Variants in PPCDC observed in about 807,000 individuals in gnomAD.
The protein encoded by PPCDC is phosphopantothenoylcysteine decarboxylase.
A neutral mutation model predicts 20.7 loss-of-function variants in PPCDC; 20 were observed. The observed-to-expected ratio is 0.97, with a 90% CI of 0.68 to 1.41. The LOEUF (loss-of-function observed/expected upper bound fraction) is 1.41, where lower values mean the gene tolerates loss of function less well. PPCDC is among the 40% of genes most tolerant of loss of function. The pLI, the probability that PPCDC is intolerant of heterozygous loss-of-function variation, is 0.00. For missense variants in PPCDC, 246 were observed against 263.8 expected, an observed-to-expected ratio of 0.93 and a Z score of 0.47; for synonymous variants, 88 against 100.3, an observed-to-expected ratio of 0.88 and a Z score of 0.73.
Position 75,044,523 on chromosome 15 carries a change from T to C in PPCDC, c.360+9T>C. On this transcript the variant is annotated intron_variant, in intron 4 of 5. Transcript: ENST00000342932. ...TCTGTGACAACTTGCTTGTGAGTGATGTCCTGGTGCCCTCGTCCGTCCCTG... is the reference window on the plus strand; with the variant it reads ...TCTGTGACAACTTGCTTGTGAGTGACGTCCTGGTGCCCTCGTCCGTCCCTG... The C allele has an allele frequency of 1.2e-6, 2 of 1,613,084 alleles. No homozygotes were observed. The highest frequency in any genetic ancestry group is 1.7e-6 in the Non-Finnish European group (2 of 1,179,280).
rs1555413327 is a variant in PPCDC at position 75,032,734 on chromosome 15, C to CA, written c.135+4281_135+4282insA. Among the ~76,000 whole-genome samples the CA allele has an allele frequency of 1.1e-4, 12 of 110,670 alleles. 1 individual carries two copies. Among genetic ancestry groups the CA allele is most frequent in the Admixed American group, 5.4e-4 (6 of 11,022 alleles). The allele number at this position is 110,670 out of a possible 152,430, so 72.6% of individuals were successfully genotyped here. On this transcript the variant is annotated intron_variant, in intron 2 of 5. Coordinates refer to ENST00000342932, the MANE Select transcript of PPCDC (RefSeq NM_021823.5). ...GAGCTAGCAAACTGGACCCCCCCCC[C>CA]CAAGGCCAAATTCGGCTCTGCCTGT...
chr15:75,023,851 G>A (rs916297797), intron 1 of PPCDC, among the ~76,000 whole-genome samples: 5 of 152,100 alleles, frequency 3.3e-5, no homozygotes, highest in Non-Finnish European at 7.4e-5. Flanking sequence ...GGAGCAGGAG[G>A]GACCCCCGAG....
intron 3 of PPCDC, chr15:75,043,798 A>T: frequency 2.2e-6 from 1 of 447,652 alleles, no homozygotes; most frequent in Non-Finnish European, 4.0e-6. Flanking sequence ...ATCTGGGCTG[A>T]TGAAACCACA....
At chr15:75,035,142 C>T (rs915925005) in intron 2 of PPCDC, among the ~76,000 whole-genome samples, 2 of 152,194 alleles carry the variant, frequency 1.3e-5, no homozygotes, top group Non-Finnish European at 2.9e-5. Flanking sequence ...GGGCCGTTCC[C>T]ATCATTGCAG....
intron 2 of PPCDC, among the ~76,000 whole-genome samples, chr15:75,039,549 T>C (rs1202977220): frequency 6.6e-6 from 1 of 152,230 alleles, no homozygotes; most frequent in African/African-American, 2.4e-5. Context: ...TGCCTCATGC[T>C]CACCTTTGTG....
At chr15:75,040,109 G>T (rs1218102969) in intron 2 of PPCDC, among the ~76,000 whole-genome samples, 3 of 149,166 alleles carry the variant, frequency 2.0e-5, no homozygotes, top group Admixed American at 6.7e-5. Flanking sequence ...CCTTGACAAG[G>T]TCTCACTTTG....
rs1266517163 is a variant in PPCDC at position 75,045,505 on chromosome 15, T to G, written c.360+991T>G. Among the ~76,000 whole-genome samples the G allele has an allele frequency of 2.0e-5, 3 of 151,436 alleles. No individual in the cohort carries two copies. The East Asian group carries it at 5.8e-4, about 29-fold the overall frequency. On this transcript the variant is annotated intron_variant, in intron 4 of 5. Coordinates refer to ENST00000342932, the MANE Select transcript of PPCDC (RefSeq NM_021823.5). ...TTTTACTTTTGCGAGTAGCTGGGAG[T>G]TTTTCAGAGTTTCATGTGGTGAAGA...
At chr15:75,043,840 G>T (rs1034064509) in intron 3 of PPCDC, 2 of 359,392 alleles carry the variant, frequency 5.6e-6, no homozygotes, top group Non-Finnish European at 1.0e-5. Flanking sequence ...CCTTGTCCAC[G>T]TGGTTCCTGG....
chr15:75,045,404 G>A (rs1236508038), intron 4 of PPCDC, among the ~76,000 whole-genome samples: 3 of 152,334 alleles, frequency 2.0e-5, no homozygotes, highest in South Asian at 4.1e-4. Flanking sequence ...TTTCTATGGA[G>A]TCACCACCTT....
chr15:75,028,704 C>T (rs189849043), intron 2 of PPCDC, among the ~76,000 whole-genome samples: 20 of 152,188 alleles, frequency 1.3e-4, no homozygotes, highest in Admixed American at 2.6e-4. Flanking sequence ...ACCCAGTGAA[C>T]GGAGGGTTTG....
intron 5 of PPCDC, 87 bp downstream of exon 5, chr15:75,048,808 A>G (rs2066275338): frequency 4.1e-6 from 6 of 1,461,844 alleles, no homozygotes; most frequent in South Asian, 1.3e-5. Context: ...TGGCCTGTTA[A>G]TGACCTTAGC....
Position 75,043,542 on chromosome 15 carries a change from T to A in PPCDC, c.231+6T>A. On this transcript the variant is annotated splice_donor_region_variant and intron_variant, in intron 3 of 5. Transcript: ENST00000342932. ...GCGACGCTGATGAATGGGAGGTCAG[T>A]GCTGGGGCCCCTGGGCTGAGTTCCA... 6.2e-7 allele frequency: 1 copy of A among 1,602,830 alleles called. No homozygotes were observed. The highest frequency in any genetic ancestry group is 1.7e-5 in the Admixed American group (1 of 58,830).
At chr15:75,027,750 G>T in intron 1 of PPCDC, among the ~76,000 whole-genome samples, 1 of 152,120 alleles carries the variant, frequency 6.6e-6, no homozygotes, top group South Asian at 2.1e-4. Context: ...CCTGGCCCTC[G>T]CTGCCCACGG....
chr15:75,045,273 G>A (rs2066216654), intron 4 of PPCDC: 2 of 152,292 alleles, frequency 1.3e-5, no homozygotes, highest in South Asian at 4.1e-4. Flanking sequence ...TGTTCTGAGA[G>A]CCTCACAGGA....
intron 4 of PPCDC, 26 bp from the exon 5 acceptor site, chr15:75,048,527 C>T: frequency 6.2e-7 from 1 of 1,607,728 alleles, no homozygotes; most frequent in Non-Finnish European, 8.5e-7. Context: ...GTAGCAAGAC[C>T]CCCACTTCCC....
chr15:75,041,877 C>T (rs1031793809), intron 2 of PPCDC, among the ~76,000 whole-genome samples: 9 of 152,140 alleles, frequency 5.9e-5, no homozygotes, highest in African/African-American at 1.4e-4. Flanking sequence ...AGGAAGCAAG[C>T]GAGGAGGGGG....
chr15:75,038,204 T>A (rs188585750), intron 2 of PPCDC, among the ~76,000 whole-genome samples: 1 of 152,336 alleles, frequency 6.6e-6, no homozygotes, highest in Admixed American at 6.5e-5. Context: ...AAGATCCAAC[T>A]TGGAAAGAGT....
At position 75,028,371 on chromosome 15, in the gene PPCDC, T is replaced by G. The variant is rs1339961936; in HGVS notation, c.53T>G (p.Phe18Cys). ...PAAAPLMERK[F>C]HVLVGVTGSV... ...GCTGCACCCTTGATGGAGAGAAAAT[T>G]CCATGTTCTTGTGGGTGTCACGGGG... Residue 18 changes from phenylalanine to cysteine, a missense_variant, in exon 2 of 6, where the codon TTC becomes TGC. Around this residue, in one of 2 missense-constraint regions of PPCDC, gnomAD observed 225 missense variants for 222.6 expected, o/e 1.01. Coordinates refer to ENST00000342932, the MANE Select transcript of PPCDC (RefSeq NM_021823.5). The G allele has an allele frequency of 4.3e-6, 7 of 1,613,996 alleles. No homozygotes were observed. In the Admixed American group the frequency reaches 1.2e-4, roughly 27 times the overall value.
intron 4 of PPCDC, among the ~76,000 whole-genome samples, chr15:75,047,659 T>C (rs2066255452): frequency 6.6e-6 from 1 of 152,204 alleles, no homozygotes; most frequent in Non-Finnish European, 1.5e-5. Context: ...TGCCTGGCCC[T>C]GCGCTCAGAG....
Sources: allele counts gnomAD v4.1 joint callset (sites outside exome capture counted in the v4.1 genomes callset), GRCh38; gene constraint gnomAD v4.1.1; regional missense constraint gnomAD v4.1.1; transcripts MANE v1.5; gene names NCBI Gene and HGNC (gene_info 2026-07-23, HGNC 2026-07-21).